The following NEK11 variants were observed in gnomAD, a reference collection of about 807,000 sequenced individuals.
NEK11 encodes the protein NIMA related kinase 11.
In NEK11, 72 loss-of-function variants were observed where a neutral mutation model predicts 80.7. The observed-to-expected ratio is 0.89, with a 90% CI of 0.74 to 1.08. The LOEUF (loss-of-function observed/expected upper bound fraction) is 1.08, where lower values mean the gene tolerates loss of function less well. NEK11 is among the 50% of genes least tolerant of loss of function. The pLI is 0.00. For synonymous variants in NEK11, 251 were observed against 260.7 expected (o/e 0.96, Z 0.36); for missense variants, 764 against 763.6 (o/e 1.00, Z -0.01).
chr3:131,058,669 C>T (rs2070166795), intron 3 of NEK11, among the ~76,000 whole-genome samples: 1 of 152,150 alleles, frequency 6.6e-6, no homozygotes, highest in Non-Finnish European at 1.5e-5. Flanking sequence ...ATTCATACTA[C>T]AGTCAACTTT....
intron 14 of NEK11, among the ~76,000 whole-genome samples, chr3:131,192,829 T>C (rs2093851853): frequency 6.6e-6 from 1 of 152,094 alleles, no homozygotes; most frequent in Non-Finnish European, 1.5e-5. Context: ...GAGTTTCCAT[T>C]TGGGAAGATA....
chr3:131,218,224 T>C (rs2094906688), intron 14 of NEK11, among the ~76,000 whole-genome samples: 1 of 152,188 alleles, frequency 6.6e-6, no homozygotes, highest in African/African-American at 2.4e-5. Context: ...GAGATGGGTA[T>C]CTGGTGCATG....
chr3:131,085,141 T>C (rs2075804363), intron 4 of NEK11, among the ~76,000 whole-genome samples: 1 of 152,238 alleles, frequency 6.6e-6, no homozygotes, highest in South Asian at 2.1e-4. Context: ...GGCAACCTTC[T>C]GATCCTAATT....
At chr3:131,105,567 G>C (rs1367278520) in intron 4 of NEK11, among the ~76,000 whole-genome samples, 2 of 152,170 alleles carry the variant, frequency 1.3e-5, no homozygotes, top group African/African-American at 4.8e-5. Context: ...TAATCATGTT[G>C]GAAGGCAAAG....
At position 131,112,516 on chromosome 3, in the gene NEK11, A is replaced by T. The variant is rs1012519438; in HGVS notation, c.455+2595A>T. On this transcript the variant is annotated intron_variant, in intron 5 of 17. Coordinates refer to ENST00000383366, the MANE Select transcript of NEK11 (RefSeq NM_024800.5). Reference sequence around the variant, plus strand: ...GATTACAAGAGTGGTACAGATGTTGATATATATGTAAAAAATCATCAAATT... The same window carrying T: ...GATTACAAGAGTGGTACAGATGTTGTTATATATGTAAAAAATCATCAAATT... Among the ~76,000 whole-genome samples the T allele has an allele frequency of 2.6e-5, 4 of 152,186 alleles. No homozygotes were observed. The East Asian group carries it at 7.7e-4, about 29-fold the overall frequency.
chr3:131,070,517 A>T (rs2073079089), intron 3 of NEK11, among the ~76,000 whole-genome samples: 1 of 152,192 alleles, frequency 6.6e-6, no homozygotes, highest in Admixed American at 6.5e-5. Flanking sequence ...CAATATTCCT[A>T]GCTTCCGTGA....
intron 3 of NEK11, among the ~76,000 whole-genome samples, chr3:131,075,871 G>A (rs766073488): frequency 8.6e-5 from 13 of 152,046 alleles, no homozygotes; most frequent in Admixed American, 6.5e-5. Context: ...ACAGAACACA[G>A]ATAGTTCATA....
At chr3:131,152,077 A>G (rs2089753220) in intron 7 of NEK11, among the ~76,000 whole-genome samples, 1 of 152,222 alleles carries the variant, frequency 6.6e-6, no homozygotes, top group South Asian at 2.1e-4. Context: ...AAAAATCCTT[A>G]CATTAATCAA....
chr3:131,252,600 G>T (rs1284808182), intron 16 of NEK11, among the ~76,000 whole-genome samples: 1 of 152,054 alleles, frequency 6.6e-6, no homozygotes, highest in African/African-American at 2.4e-5. Flanking sequence ...ATGACTTTTT[G>T]CATTTCAAGT....
chr3:131,075,978 GAC>G (rs538172888), intron 3 of NEK11, among the ~76,000 whole-genome samples: 149 of 152,254 alleles, frequency 9.8e-4, no homozygotes, highest in Non-Finnish European at 1.5e-3. Flanking sequence ...TGTTTCTGAT[GAC>G]ACATATATTT....
intron 3 of NEK11, among the ~76,000 whole-genome samples, chr3:131,057,063 G>A (rs2069675081): frequency 8.9e-6 from 1 of 112,254 alleles, no homozygotes; most frequent in Non-Finnish European, 1.7e-5. Context: ...ACTGTCCCCA[G>A]AGTGTGATGT....
chr3:131,301,061 ATGTTT>A (rs1169243948), intron 17 of NEK11, among the ~76,000 whole-genome samples: 1 of 152,046 alleles, frequency 6.6e-6, no homozygotes, highest in African/African-American at 2.4e-5. Flanking sequence ...TCTTTGAGCA[ATGTTT>A]TGTAATTCTC....
intron 17 of NEK11, among the ~76,000 whole-genome samples, chr3:131,334,144 T>C (rs1254245145): frequency 7.9e-5 from 12 of 151,594 alleles, no homozygotes; most frequent in African/African-American, 2.7e-4. Context: ...GAACTCTCCA[T>C]CCCAAATCAA....
intron 14 of NEK11, among the ~76,000 whole-genome samples, chr3:131,179,252 A>G (rs907480155): frequency 1.3e-5 from 2 of 152,212 alleles, no homozygotes; most frequent in Admixed American, 6.5e-5. Context: ...TGGACTTCCC[A>G]GCCTCCAGGA....
intron 14 of NEK11, among the ~76,000 whole-genome samples, chr3:131,195,628 CT>C (rs1197995155): frequency 2.0e-5 from 3 of 151,940 alleles, no homozygotes; most frequent in African/African-American, 7.3e-5. Context: ...GTTGTGCCTG[CT>C]GTGTGCTGCA....
At chr3:131,155,741 G>A (rs941186577) in intron 10 of NEK11, among the ~76,000 whole-genome samples, 1 of 152,116 alleles carries the variant, frequency 6.6e-6, no homozygotes, top group African/African-American at 2.4e-5. Flanking sequence ...CACAACTATG[G>A]TATACAGGAG....
In NEK11 at chr3:131,290,760, C is replaced by A. The variant is rs568250460; in HGVS notation, c.1718+17186C>A. 3.0e-3 allele frequency among the ~76,000 whole-genome samples: 458 copies of A among 152,286 alleles called. 4 individuals carry two copies. The highest frequency in any genetic ancestry group is 0.01 in the African/African-American group (436 of 41,572). ...TCAGATAACTGCCTACTGGAAAAATCAAGATCTTCCCTTTCTTTTTTTAAA... is the reference window on the plus strand; with the variant it reads ...TCAGATAACTGCCTACTGGAAAAATAAAGATCTTCCCTTTCTTTTTTTAAA... On this transcript the variant is annotated intron_variant, in intron 17 of 17. Transcript: ENST00000383366.
At position 131,312,688 on chromosome 3, in the gene NEK11, C is replaced by T. The variant is rs192920711; in HGVS notation, c.1719-36869C>T. On this transcript the variant is annotated intron_variant, in intron 17 of 17. Transcript: ENST00000383366. ...CAAACAGCACAAACTCAAGTTGATCCCTACTAATCTAGAATAGGGCCAAGG... is the reference window on the plus strand; with the variant it reads ...CAAACAGCACAAACTCAAGTTGATCTCTACTAATCTAGAATAGGGCCAAGG... Among the ~76,000 whole-genome samples, 6 of 152,212 alleles carry T rather than the reference C, an allele frequency of 3.9e-5. No individual in the cohort carries two copies. In the East Asian group the frequency reaches 9.7e-4, roughly 25 times the overall value.
intron 14 of NEK11, among the ~76,000 whole-genome samples, chr3:131,227,601 ATG>A (rs1210316198): frequency 6.6e-6 from 1 of 152,190 alleles, no homozygotes; most frequent in Non-Finnish European, 1.5e-5. Flanking sequence ...TTGAAAAATA[ATG>A]TGTTACAATT....
Sources: gnomAD v4.1 joint callset for allele counts (sites outside exome capture counted in the v4.1 genomes callset) on GRCh38, gnomAD v4.1.1 for gene constraint, MANE v1.5 for transcripts, NCBI Gene and HGNC (gene_info 2026-07-23, HGNC 2026-07-21) for gene names.